Variants in HTR2A observed in about 807,000 individuals in gnomAD.
HTR2A encodes the protein 5-hydroxytryptamine receptor 2A, also known as 5-HT2 receptor.
Under a neutral mutation model 31.0 loss-of-function variants are expected in HTR2A, and 14 were observed. That is an observed-to-expected ratio of 0.45 (90% CI 0.30 to 0.71). HTR2A has a LOEUF of 0.71. Ranked by LOEUF, HTR2A falls within the 30% of genes least tolerant of loss-of-function variation. The pLI is 0.09. For missense variants in HTR2A, 442 were observed against 573.3 expected, an observed-to-expected ratio of 0.77 and a Z score of 2.34; for synonymous variants, 209 against 225.2, an observed-to-expected ratio of 0.93 and a Z score of 0.64.
chr13:46,886,808 C>A (rs747719431), intron 3 of HTR2A, among the ~76,000 whole-genome samples: 3 of 152,078 alleles, frequency 2.0e-5, no homozygotes, highest in Non-Finnish European at 4.4e-5. Flanking sequence ...GATTGAGAGA[C>A]CGAATAGCTA....
chr13:46,886,538 T>C (rs1951007797), intron 3 of HTR2A, among the ~76,000 whole-genome samples: 1 of 152,090 alleles, frequency 6.6e-6, no homozygotes. Flanking sequence ...CAAAAACATA[T>C]TAAAAATGAA....
chr13:46,884,535 A>G (rs689099), intron 3 of HTR2A, among the ~76,000 whole-genome samples: 35,223 of 152,032 alleles, frequency 0.23, 4,234 homozygotes, highest in East Asian at 0.34. Flanking sequence ...GTGGTGGTGC[A>G]TACCTGTAGT....
rs547996032 is a variant in HTR2A, at chr13:46,857,898, A to G, written c.614-22259T>C. On this transcript the variant is annotated intron_variant, in intron 3 of 3. Coordinates refer to ENST00000542664, the MANE Select transcript of HTR2A (RefSeq NM_000621.5). ...CCTGAGGGCAATAAGAAGCTACTAA[A>G]TGACTTTAAGCAGAGAATGGAAATA... Among the ~76,000 whole-genome samples the G allele has an allele frequency of 2.8e-4, 43 of 152,336 alleles. 1 individual carries two copies. In the East Asian group the frequency reaches 8.3e-3, roughly 29 times the overall value.
chr13:46,873,494 T>C (rs1343558553), intron 3 of HTR2A, among the ~76,000 whole-genome samples: 1 of 150,798 alleles, frequency 6.6e-6, no homozygotes, highest in Non-Finnish European at 1.5e-5. Flanking sequence ...ATGTGCACAA[T>C]GTGCCGGTTA....
chr13:46,886,136 T>C (rs1175338674), intron 3 of HTR2A, among the ~76,000 whole-genome samples: 2 of 152,222 alleles, frequency 1.3e-5, no homozygotes, highest in African/African-American at 2.4e-5. Context: ...ATTCTGCCAC[T>C]AGGTTATTTA....
chr13:46,870,801 A>G (rs970383656), intron 3 of HTR2A, among the ~76,000 whole-genome samples: 6 of 152,220 alleles, frequency 3.9e-5, no homozygotes, highest in Admixed American at 2.0e-4. Context: ...GTTAAAAGCT[A>G]AAGAAATTCC....
At chr13:46,889,180 CA>C (rs1322566830) in intron 3 of HTR2A, among the ~76,000 whole-genome samples, 4 of 151,788 alleles carry the variant, frequency 2.6e-5, no homozygotes, top group Admixed American at 2.6e-4. Flanking sequence ...AAATGATAAT[CA>C]AAAGAAAATT....
At chr13:46,890,984 C>A (rs1951047953) in intron 3 of HTR2A, among the ~76,000 whole-genome samples, 1 of 152,090 alleles carries the variant, frequency 6.6e-6, no homozygotes, top group African/African-American at 2.4e-5. Context: ...TAGAATGAGT[C>A]CAACTTGCAC....
intron 3 of HTR2A, among the ~76,000 whole-genome samples, chr13:46,851,250 A>G (rs1390314618): frequency 6.6e-6 from 1 of 152,242 alleles, no homozygotes; most frequent in African/African-American, 2.4e-5. Context: ...TCTAGAGAAT[A>G]TGGCAGTAAT....
chr13:46,862,455 A>G (rs967579416), intron 3 of HTR2A, among the ~76,000 whole-genome samples: 4 of 152,238 alleles, frequency 2.6e-5, no homozygotes, highest in Non-Finnish European at 4.4e-5. Context: ...TATCAAGGTT[A>G]ATAAAACAAA....
intron 3 of HTR2A, among the ~76,000 whole-genome samples, chr13:46,869,125 A>G (rs1226444460): frequency 6.6e-6 from 1 of 152,234 alleles, no homozygotes; most frequent in East Asian, 1.9e-4. Flanking sequence ...GCATCAAAGT[A>G]TGTTACCAAG....
At chr13:46,863,630 G>GACAAAAAAAAA (rs1950796760) in intron 3 of HTR2A, among the ~76,000 whole-genome samples, 1 of 59,254 alleles carries the variant, frequency 1.7e-5, no homozygotes, top group Non-Finnish European at 2.9e-5. Context: ...CCCTCAAAAT[G>GACAAAAAAAAA]AAAAAAAAAA....
chr13:46,860,697 T>G (rs1950772545), intron 3 of HTR2A, among the ~76,000 whole-genome samples: 2 of 152,236 alleles, frequency 1.3e-5, no homozygotes, highest in Non-Finnish European at 2.9e-5. Flanking sequence ...ATGAATATTA[T>G]TGCAGTTACC....
chr13:46,866,746 G>A (rs1049452475), intron 3 of HTR2A, among the ~76,000 whole-genome samples: 1 of 152,190 alleles, frequency 6.6e-6, no homozygotes, highest in African/African-American at 2.4e-5. Context: ...TAATAAGTAG[G>A]CCAGGTACGG....
intron 3 of HTR2A, among the ~76,000 whole-genome samples, chr13:46,876,072 A>G (rs1394172497): frequency 1.3e-5 from 2 of 152,226 alleles, no homozygotes; most frequent in Non-Finnish European, 2.9e-5. Flanking sequence ...ATAGAGTTAT[A>G]AAAATATCCT....
intron 3 of HTR2A, among the ~76,000 whole-genome samples, chr13:46,836,243 A>C (rs544874708): frequency 6.6e-6 from 1 of 152,066 alleles, no homozygotes; most frequent in African/African-American, 2.4e-5. Context: ...AATAACTATA[A>C]AATTTTAAAT....
chr13:46,856,664 T>G (rs1950740537), intron 3 of HTR2A, among the ~76,000 whole-genome samples: 1 of 152,146 alleles, frequency 6.6e-6, no homozygotes, highest in Non-Finnish European at 1.5e-5. Flanking sequence ...ATGACTCTTA[T>G]GTATGTACTT....
At chr13:46,882,061 T>C (rs1450372283) in intron 3 of HTR2A, among the ~76,000 whole-genome samples, 1 of 151,926 alleles carries the variant, frequency 6.6e-6, no homozygotes, top group Non-Finnish European at 1.5e-5. Flanking sequence ...AGGTTGCTCA[T>C]AAAAAAAGAA....
chr13:46,854,951 A>G (rs1457140678), intron 3 of HTR2A, among the ~76,000 whole-genome samples: 1 of 152,192 alleles, frequency 6.6e-6, no homozygotes, highest in Non-Finnish European at 1.5e-5. Context: ...GAACTTATAA[A>G]AAGAGAAAAA....
Sources: allele counts gnomAD v4.1 joint callset (sites outside exome capture counted in the v4.1 genomes callset), GRCh38; gene constraint gnomAD v4.1.1; transcripts MANE v1.5; gene names NCBI Gene and HGNC (gene_info 2026-07-23, HGNC 2026-07-21).